KCNAB2: variants seen among roughly 807,000 people sequenced by gnomAD.
KCNAB2 encodes the protein voltage-gated potassium channel subunit beta-2.
In KCNAB2, 29 loss-of-function variants were observed where a neutral mutation model predicts 63.6. That is an observed-to-expected ratio of 0.46 (90% CI 0.34 to 0.62). The LOEUF (loss-of-function observed/expected upper bound fraction) is 0.62, where lower values mean the gene tolerates loss of function less well. Among genes scored for constraint, KCNAB2 ranks in the 20% least tolerant of loss-of-function variants. The pLI is 0.01. For missense variants in KCNAB2, 359 were observed against 563.9 expected (o/e 0.64, Z 3.68); for synonymous variants, 222 against 224.2 (o/e 0.99, Z 0.09).
intron 4 of KCNAB2, among the ~76,000 whole-genome samples, chr1:6,077,414 C>G (rs1663756477): frequency 6.6e-6 from 1 of 152,234 alleles, no homozygotes; most frequent in South Asian, 2.1e-4. Context: ...CGCTCCCTCT[C>G]TTTCCTGCCT....
chr1:6,081,410 C>T (rs1388929902), intron 4 of KCNAB2, among the ~76,000 whole-genome samples: 1 of 152,188 alleles, frequency 6.6e-6, no homozygotes, highest in Non-Finnish European at 1.5e-5. Context: ...CTGAATACAC[C>T]GCCCTGGCTT....
intron 1 of KCNAB2, among the ~76,000 whole-genome samples, chr1:5,998,760 A>G (rs1487736638): frequency 1.3e-5 from 2 of 152,224 alleles, no homozygotes; most frequent in Non-Finnish European, 2.9e-5. Context: ...AGGACCCCAG[A>G]TTCAGCACCA....
rs1657362071 is a variant in KCNAB2, at chr1:6,003,225, C to G, written c.-53+10437C>G. 6.6e-6 allele frequency among the ~76,000 whole-genome samples: 1 copy of G among 152,220 alleles called. No individual in the cohort carries two copies. The highest frequency in any genetic ancestry group is 2.1e-4 in the South Asian group (1 of 4,834). On this transcript the variant is annotated intron_variant, in intron 1 of 16. Coordinates refer to the KCNAB2 transcript ENST00000341524. The surrounding 1 kb of genome is among the most constrained non-coding windows in gnomAD (Gnocchi z 4.1). The stretch of plus-strand genomic sequence containing the variant: ...GCCTGGCCCCTGCTGGCTGCAGGGG[C>G]TCCAGAGCCTGTGCTACAAGCCCGG...
At chr1:6,009,877 T>C (rs903036452) in intron 1 of KCNAB2, among the ~76,000 whole-genome samples, 2 of 151,066 alleles carry the variant, frequency 1.3e-5, no homozygotes, top group African/African-American at 4.8e-5. Flanking sequence ...TTTTTTCTTT[T>C]TTTTTTTTTT....
At chr1:6,016,444 C>A (rs1010151583) in intron 1 of KCNAB2, among the ~76,000 whole-genome samples, 6 of 152,194 alleles carry the variant, frequency 3.9e-5, no homozygotes, top group Admixed American at 2.0e-4. Context: ...GTGTCCACCC[C>A]CTTGAGACCA....
At position 6,097,323 on chromosome 1, in the gene KCNAB2, C is replaced by A. The variant is rs143302486; in HGVS notation, c.1124C>A (p.Ala375Glu). ...VSSVLLGASN[A>E]DQLMENIGAI... ...TCCGTGCTCCTGGGGGCCTCCAATG[C>A]GGACCAGCTCATGGAGAACATTGGG... The change falls in exon 15 of 16, where the codon GCG becomes GAG. Residue 375 changes from alanine to glutamate, a missense_variant. Physicochemically the swap from Ala to Glu is moderately radical, Grantham distance 107. Around this residue, in one of 2 missense-constraint regions of KCNAB2, gnomAD observed 271 missense variants for 476.1 expected, o/e 0.57. Coordinates refer to ENST00000378083, the MANE Select transcript of KCNAB2 (RefSeq NM_001199862.2). 1.3e-6 allele frequency: 2 copies of A among 1,552,704 alleles called. No homozygotes were observed. Among genetic ancestry groups the A allele is most frequent in the East Asian group, 2.4e-5 (1 of 41,504 alleles).
In KCNAB2 at chr1:6,090,466, C is replaced by T. The variant is rs1474567356; in HGVS notation, c.592C>T (p.Pro198Ser). 6.2e-7 allele frequency: 1 copy of T among 1,613,328 alleles called. No individual in the cohort carries two copies. The highest frequency in any genetic ancestry group is 1.7e-5 in the Admixed American group (1 of 60,010). ...TGCCAACCGCCCGGACCCCAACACCCCGATGGAAGGTAGGTGGTCTGCGGC... is the reference window on the plus strand; with the variant it reads ...TGCCAACCGCCCGGACCCCAACACCTCGATGGAAGGTAGGTGGTCTGCGGC... ...VFANRPDPNT[P>S]MEGDPFSSSK... is the part of the protein sequence containing the mutation. The change falls in exon 9 of 16, where the codon CCG becomes TCG. Residue 198 changes from proline to serine, a missense_variant. By Grantham distance (74) the Pro-to-Ser change is moderately conservative. This residue lies in a region of KCNAB2 where 271 missense variants were observed against 476.1 expected (regional missense o/e 0.57). Coordinates refer to ENST00000378083, the MANE Select transcript of KCNAB2 (RefSeq NM_001199862.2).
intron 4 of KCNAB2, among the ~76,000 whole-genome samples, chr1:6,076,432 C>T (rs1663668515): frequency 6.6e-6 from 1 of 152,234 alleles, no homozygotes; most frequent in Non-Finnish European, 1.5e-5. Context: ...GTTAGGTGCC[C>T]TTTCTGTGGC....
intron 2 of KCNAB2, among the ~76,000 whole-genome samples, chr1:6,062,697 C>T (rs186875488): frequency 1.2e-4 from 19 of 152,204 alleles, no homozygotes; most frequent in African/African-American, 4.3e-4. Flanking sequence ...CAAGTGACTC[C>T]GAGTTCAAAG....
At chr1:5,997,560 C>T (rs1026340803) in intron 1 of KCNAB2, among the ~76,000 whole-genome samples, 1 of 152,232 alleles carries the variant, frequency 6.6e-6, no homozygotes, top group Non-Finnish European at 1.5e-5. Flanking sequence ...CATGCTCCCC[C>T]TCCTTCACCA....
At position 6,096,454 on chromosome 1, in the gene KCNAB2, C is replaced by T. The variant is rs1665647432; in HGVS notation, c.949-182C>T. The T allele has an allele frequency of 1.3e-6, 1 of 788,400 alleles. No individual in the cohort carries two copies. Among genetic ancestry groups the T allele is most frequent in the Admixed American group, 3.0e-5 (1 of 33,394 alleles). The allele number at this position is 788,400 out of a possible 1,614,324, so 48.8% of individuals were successfully genotyped here. A position where few individuals can be genotyped will look rare whatever the true frequency, so the allele number is the denominator to read the frequency against. On this transcript the variant is annotated intron_variant, in intron 13 of 15. Transcript: ENST00000378083. This position sits in a 1 kb window ranked among gnomAD's most constrained non-coding sequence, Gnocchi z 5.9. ...CTCATCCACCAGCCCGTGCCCGGCC[C>T]ACTGCCCACTCTCCCCTACTTGAGA...
intron 15 of KCNAB2, chr1:6,097,608 A>C: frequency 1.5e-6 from 1 of 655,356 alleles, no homozygotes; most frequent in Non-Finnish European, 2.6e-6. Flanking sequence ...GCCAGAGATA[A>C]AGGGAGGGAG....
At chr1:6,092,421 A>G (rs1665265195) in intron 10 of KCNAB2, among the ~76,000 whole-genome samples, 1 of 152,254 alleles carries the variant, frequency 6.6e-6, no homozygotes, top group African/African-American at 2.4e-5. Flanking sequence ...ATGCGGTTTC[A>G]CTGGCTGGGA....
upstream of KCNAB2, chr1:6,045,807 G>T (rs1660871621): frequency 1.4e-6 from 1 of 697,506 alleles, no homozygotes; most frequent in South Asian, 6.4e-5. The surrounding 1 kb of genome is among the most constrained non-coding windows in gnomAD (Gnocchi z 4.8). Context: ...CGCGGGGATG[G>T]TGGAGGCAGC....
chr1:6,038,299 T>C (rs923141625), intron 1 of KCNAB2, among the ~76,000 whole-genome samples: 1 of 151,900 alleles, frequency 6.6e-6, no homozygotes, highest in Non-Finnish European at 1.5e-5. Flanking sequence ...GTTTTCATTT[T>C]GGTTTACTTG....
intron 8 of KCNAB2, among the ~76,000 whole-genome samples, chr1:6,090,124 G>A (rs1292857321): frequency 6.6e-6 from 1 of 152,234 alleles, no homozygotes; most frequent in Non-Finnish European, 1.5e-5. Context: ...TTGTCTGAGG[G>A]AGGAGGGGCT....
intron 1 of KCNAB2, chr1:6,007,480 C>G (rs1419830967): frequency 6.6e-6 from 1 of 152,348 alleles, no homozygotes; most frequent in Non-Finnish European, 1.5e-5. Context: ...GGAGGCAGAG[C>G]GGCTCCATCC....
At position 6,087,442 on chromosome 1, in the gene KCNAB2, C is replaced by T. The variant is rs1426402364; in HGVS notation, c.426-25C>T. 1 of 1,613,634 alleles carries T rather than the reference C, an allele frequency of 6.2e-7. No individual in the cohort carries two copies. The highest frequency in any genetic ancestry group is 8.5e-7 in the Non-Finnish European group (1 of 1,179,658). On this transcript the variant is annotated intron_variant, in intron 6 of 15. Transcript: ENST00000378083. The surrounding 1 kb of genome is among the most constrained non-coding windows in gnomAD (Gnocchi z 6.4). ...CCCCCAGGGGCCGGGCTTATCACAC[C>T]CCTTCTTTCTCTTCTGTTCCACAGG...
intron 2 of KCNAB2, among the ~76,000 whole-genome samples, chr1:6,058,166 A>C (rs1222416003): frequency 6.6e-6 from 1 of 152,128 alleles, no homozygotes; most frequent in Non-Finnish European, 1.5e-5. Context: ...AAAAGCAAAA[A>C]ACAAAAACCC....
Sources: gnomAD v4.1 joint callset for allele counts (sites outside exome capture counted in the v4.1 genomes callset) on GRCh38, gnomAD v4.1.1 for gene constraint, gnomAD v4.1.1 regional missense constraint, Gnocchi (gnomAD v3.1) non-coding constraint, MANE v1.5 for transcripts, NCBI Gene and HGNC (gene_info 2026-07-23, HGNC 2026-07-21) for gene names.